Variants in ABTB3 observed in about 807,000 individuals in gnomAD.
ABTB3 encodes ankyrin repeat and BTB domain containing 3.
chr12:107,657,906 G>T, the ABTB3 span: 1 of 630,482 alleles, frequency 1.6e-6, no homozygotes, highest in Non-Finnish European at 2.8e-6. Flanking sequence ...AGATCAGCTG[G>T]GTCCAGAGTT....
chr12:107,646,176 G>A, the ABTB3 span, among the ~76,000 whole-genome samples: 1 of 152,240 alleles, frequency 6.6e-6, no homozygotes, highest in African/African-American at 2.4e-5. Flanking sequence ...CATGCAGGTT[G>A]GCAGCTGCCA....
the ABTB3 span, chr12:107,520,572 G>A: frequency 3.7e-6 from 6 of 1,614,250 alleles, no homozygotes; most frequent in Non-Finnish European, 5.1e-6. Context: ...TGTTCAGCCA[G>A]TCGGAGCTGA....
chr12:107,656,320 T>C, the ABTB3 span, among the ~76,000 whole-genome samples: 2 of 151,048 alleles, frequency 1.3e-5, no homozygotes, highest in East Asian at 3.9e-4. Context: ...AAATTAGACA[T>C]GGTCTCTGGC....
the ABTB3 span, among the ~76,000 whole-genome samples, chr12:107,484,696 T>C: frequency 6.6e-6 from 1 of 151,866 alleles, no homozygotes; most frequent in African/African-American, 2.4e-5. Context: ...CGCTCAAGAC[T>C]GTGTCAATAA....
the ABTB3 span, among the ~76,000 whole-genome samples, chr12:107,563,478 A>G: frequency 1.3e-5 from 2 of 152,228 alleles, no homozygotes; most frequent in Admixed American, 1.3e-4. Flanking sequence ...TGTCATCTTG[A>G]GCAGTGATAA....
chr12:107,430,687 T>C, the ABTB3 span, among the ~76,000 whole-genome samples: 1 of 152,236 alleles, frequency 6.6e-6, no homozygotes, highest in Non-Finnish European at 1.5e-5. Context: ...GTGCCTGACT[T>C]TAGTGGAAAT....
At chr12:107,392,433 C>G in the ABTB3 span, among the ~76,000 whole-genome samples, 50 of 152,288 alleles carry the variant, frequency 3.3e-4, no homozygotes, top group East Asian at 8.5e-3. Context: ...GTGATCCAGC[C>G]CTGCCTCTCC....
At chr12:107,526,912 G>T in the ABTB3 span, among the ~76,000 whole-genome samples, 1 of 152,098 alleles carries the variant, frequency 6.6e-6, no homozygotes, top group Non-Finnish European at 1.5e-5. Flanking sequence ...AGCCCCTAGG[G>T]TATACCTGTA....
chr12:107,600,545 A>G, the ABTB3 span, among the ~76,000 whole-genome samples: 1 of 152,196 alleles, frequency 6.6e-6, no homozygotes, highest in Non-Finnish European at 1.5e-5. Flanking sequence ...CACAATTCCC[A>G]GGGGCCCACA....
At chr12:107,369,333 C>A in the ABTB3 span, among the ~76,000 whole-genome samples, 1 of 151,622 alleles carries the variant, frequency 6.6e-6, no homozygotes, top group East Asian at 1.9e-4. Context: ...ATTATAGAAC[C>A]ATTCCTTTCC....
At chr12:107,492,287 G>A in the ABTB3 span, among the ~76,000 whole-genome samples, 1 of 152,056 alleles carries the variant, frequency 6.6e-6, no homozygotes, top group South Asian at 2.1e-4. Flanking sequence ...CCCTAATAAT[G>A]ATAATGTCTT....
At chr12:107,467,270 C>T in the ABTB3 span, among the ~76,000 whole-genome samples, 3 of 152,078 alleles carry the variant, frequency 2.0e-5, no homozygotes, top group Non-Finnish European at 2.9e-5. Flanking sequence ...TGTCTGTTTT[C>T]GGCTTAGCTG....
chr12:107,441,774 C>CAAAAAAAAAAAAAAA, the ABTB3 span, among the ~76,000 whole-genome samples: 59 of 79,972 alleles, frequency 7.4e-4, no homozygotes, highest in African/African-American at 1.9e-3. Context: ...CTTGTCTCTA[C>CAAAAAAAAAAAAAAA]AAAAAAAAAA....
chr12:107,481,929 T>TCTCTCTCTCTCTCTCTC, the ABTB3 span, among the ~76,000 whole-genome samples: 4 of 51,766 alleles, frequency 7.7e-5, no homozygotes, highest in Admixed American at 2.0e-4. Context: ...CTCTCTCTCT[T>TCTCTCTCTCTCTCTCTC]TCTTTCTCCC....
chr12:107,342,329 G>A, the ABTB3 span, among the ~76,000 whole-genome samples: 3 of 152,124 alleles, frequency 2.0e-5, no homozygotes, highest in Non-Finnish European at 2.9e-5. Context: ...ATGGGGAGAA[G>A]GAAAGGGAGA....
chr12:107,617,443 T>A, the ABTB3 span: 1 of 1,613,630 alleles, frequency 6.2e-7, no homozygotes, highest in African/African-American at 1.3e-5. Flanking sequence ...ACAGGTAGGC[T>A]AGGATGGGCC....
the ABTB3 span, among the ~76,000 whole-genome samples, chr12:107,478,485 G>A: frequency 6.6e-6 from 1 of 152,166 alleles, no homozygotes. Context: ...TAGGGATATG[G>A]ATTGAATAGT....
At chr12:107,555,893 T>C in the ABTB3 span, among the ~76,000 whole-genome samples, 1 of 152,110 alleles carries the variant, frequency 6.6e-6, no homozygotes, top group Non-Finnish European at 1.5e-5. Flanking sequence ...GAAGGATTCA[T>C]TGTAGAGACC....
At chr12:107,334,109 G>C in the ABTB3 span, among the ~76,000 whole-genome samples, 7 of 152,216 alleles carry the variant, frequency 4.6e-5, no homozygotes, top group African/African-American at 1.4e-4. Flanking sequence ...GTCACCGTAA[G>C]CCAGGTTGGG....
Sources: allele counts gnomAD v4.1 joint callset (sites outside exome capture counted in the v4.1 genomes callset), GRCh38; gene constraint gnomAD v4.1.1; transcripts MANE v1.5; gene names NCBI Gene and HGNC (gene_info 2026-07-23, HGNC 2026-07-21).